Variants in RMDN1 observed in about 807,000 individuals in gnomAD.
RMDN1 encodes regulator of microtubule dynamics 1, also known as regulator of microtubule dynamics protein 1.
A neutral mutation model predicts 48.9 loss-of-function variants in RMDN1; 48 were observed. The observed-to-expected ratio is 0.98, with a 90% CI of 0.78 to 1.25. The LOEUF (loss-of-function observed/expected upper bound fraction) is 1.25. Ranked by LOEUF, RMDN1 falls within the 50% of genes most tolerant of loss-of-function variation. RMDN1 has a pLI of 0.00. For synonymous variants in RMDN1, 148 were observed against 132.6 expected, an observed-to-expected ratio of 1.12 and a Z score of -0.80; for missense variants, 418 against 373.4, an observed-to-expected ratio of 1.12 and a Z score of -0.98.
chr8:86,483,376 G>A (rs1814899392), intron 5 of RMDN1, among the ~76,000 whole-genome samples: 1 of 151,820 alleles, frequency 6.6e-6, no homozygotes, highest in African/African-American at 2.4e-5. Context: ...TACATCCTGA[G>A]GCACAGAGAA....
At chr8:86,495,619 G>C (rs1356924681) in intron 2 of RMDN1, among the ~76,000 whole-genome samples, 1 of 152,058 alleles carries the variant, frequency 6.6e-6, no homozygotes, top group African/African-American at 2.4e-5. Flanking sequence ...CAGGGTCCCT[G>C]CCTGGCCGCA....
chr8:86,481,919 C>G (rs1019054120), intron 5 of RMDN1: 2 of 784,220 alleles, frequency 2.6e-6, no homozygotes, highest in African/African-American at 1.8e-5. Context: ...CGGCCAGACA[C>G]GAAGTGGAAA....
At chr8:86,513,057 T>G (rs78577023), upstream of RMDN1, among the ~76,000 whole-genome samples, 1 of 142,084 alleles carries the variant, frequency 7.0e-6, no homozygotes, top group East Asian at 2.0e-4. Flanking sequence ...CTATTGGGTG[T>G]TTTTTTTTTT....
chr8:86,482,077 G>A (rs1814584305), intron 5 of RMDN1: 2 of 618,960 alleles, frequency 3.2e-6, no homozygotes, highest in South Asian at 3.9e-5. Context: ...CACGCGGCAC[G>A]CAGCTGCTCC....
At chr8:86,506,422 C>T (rs983241086) in intron 2 of RMDN1, among the ~76,000 whole-genome samples, 1 of 152,088 alleles carries the variant, frequency 6.6e-6, no homozygotes, top group Admixed American at 6.6e-5. Context: ...CACTGTGGTC[C>T]TATGCCAAGT....
At chr8:86,484,732 A>AG (rs1815171871) in intron 5 of RMDN1, 140 bp downstream of exon 5, 4 of 479,096 alleles carry the variant, frequency 8.3e-6, no homozygotes, top group African/African-American at 6.0e-5. Flanking sequence ...AAAAAAAAAA[A>AG]AAAGAAATAA....
chr8:86,499,341 C>A (rs1396757430), intron 2 of RMDN1, among the ~76,000 whole-genome samples: 1 of 152,102 alleles, frequency 6.6e-6, no homozygotes, highest in African/African-American at 2.4e-5. Flanking sequence ...CTCAAAGGCT[C>A]CTGGAACTAA....
downstream of RMDN1, among the ~76,000 whole-genome samples, chr8:86,469,472 G>A (rs1812371279): frequency 6.6e-6 from 1 of 152,172 alleles, no homozygotes. Flanking sequence ...AGGACCGTGA[G>A]CTGTCACCTG....
intron 2 of RMDN1, among the ~76,000 whole-genome samples, chr8:86,493,529 T>TC (rs1816845499): frequency 2.6e-5 from 4 of 151,610 alleles, no homozygotes; most frequent in South Asian, 2.1e-4. Flanking sequence ...ATTGTGTCAT[T>TC]TGTAAGAATG....
At chr8:86,470,270 T>C, downstream of RMDN1, 1 of 1,289,404 alleles carries the variant, frequency 7.8e-7, no homozygotes, top group Non-Finnish European at 1.0e-6. Flanking sequence ...CAGTCAGCTC[T>C]GGAATCCACA....
intron 2 of RMDN1, among the ~76,000 whole-genome samples, chr8:86,500,311 T>C (rs1049852430): frequency 1.3e-5 from 2 of 151,920 alleles, no homozygotes; most frequent in African/African-American, 4.8e-5. Flanking sequence ...CCAGAATCTA[T>C]AGGGAACTTA....
intron 2 of RMDN1, chr8:86,504,647 G>A: frequency 1.1e-6 from 1 of 886,938 alleles, no homozygotes; most frequent in Non-Finnish European, 1.9e-6. Context: ...TGTTATTAAA[G>A]GATGAGTATA....
downstream of RMDN1, chr8:86,470,332 G>T (rs761416900): frequency 3.1e-6 from 4 of 1,289,282 alleles, no homozygotes; most frequent in South Asian, 4.9e-5. Flanking sequence ...AGGGATTCCT[G>T]GGGTTTGTTC....
intron 4 of RMDN1, among the ~76,000 whole-genome samples, chr8:86,485,193 C>T (rs940635008): frequency 2.6e-5 from 4 of 152,190 alleles, no homozygotes; most frequent in Admixed American, 6.5e-5. Flanking sequence ...TTTGGGAGGC[C>T]GAGGTGGATG....
intron 5 of RMDN1, among the ~76,000 whole-genome samples, chr8:86,480,975 A>G (rs1271088322): frequency 6.6e-6 from 1 of 152,204 alleles, no homozygotes; most frequent in East Asian, 1.9e-4. Flanking sequence ...CTATGTGAAT[A>G]TAAACTACAG....
chr8:86,511,455 A>G (rs1820040997), upstream of RMDN1, among the ~76,000 whole-genome samples: 1 of 151,848 alleles, frequency 6.6e-6, no homozygotes, highest in Admixed American at 6.6e-5. Flanking sequence ...GCCTGGTGAC[A>G]GAGCTAGACT....
At chr8:86,493,809 A>G (rs1816889465) in intron 2 of RMDN1, among the ~76,000 whole-genome samples, 1 of 152,222 alleles carries the variant, frequency 6.6e-6, no homozygotes, top group South Asian at 2.1e-4. Flanking sequence ...TTATGTGCAT[A>G]AGATATAAAT....
intron 2 of RMDN1, 120 bp downstream of exon 2, chr8:86,506,875 A>G (rs1819447977): frequency 6.4e-6 from 4 of 625,414 alleles, no homozygotes; most frequent in Non-Finnish European, 1.1e-5. Flanking sequence ...CAGATTGTGA[A>G]TATTTCCATA....
At chr8:86,498,121 T>C (rs1288258555) in intron 2 of RMDN1, among the ~76,000 whole-genome samples, 1 of 152,010 alleles carries the variant, frequency 6.6e-6, no homozygotes, top group African/African-American at 2.4e-5. Context: ...TCAGAGACTA[T>C]TACAAACACC....
Sources: gnomAD v4.1 joint callset for allele counts (sites outside exome capture counted in the v4.1 genomes callset) on GRCh38, gnomAD v4.1.1 for gene constraint, MANE v1.5 for transcripts, NCBI Gene and HGNC (gene_info 2026-07-23, HGNC 2026-07-21) for gene names.